Variants in PDHX observed in about 807,000 individuals in gnomAD.
PDHX encodes the protein pyruvate dehydrogenase protein X component, mitochondrial.
PDHX carries 33 observed loss-of-function variants against 55.3 expected under a neutral mutation model. The observed-to-expected ratio is 0.60, with a 90% confidence interval of 0.45 to 0.80. The LOEUF is 0.80. PDHX is among the 30% of genes least tolerant of loss of function. The pLI, the probability that PDHX is intolerant of heterozygous loss-of-function variation, is 0.00. For synonymous variants in PDHX, 226 were observed against 219.4 expected, an observed-to-expected ratio of 1.03 and a Z score of -0.27; for missense variants, 622 against 619.9, an observed-to-expected ratio of 1.00 and a Z score of -0.04.
At chr11:34,951,143 G>A (rs1174400468) in intron 3 of PDHX, among the ~76,000 whole-genome samples, 2 of 136,566 alleles carry the variant, frequency 1.5e-5, no homozygotes, top group South Asian at 2.5e-4. Flanking sequence ...TGCAAGCTCC[G>A]CCTCCCGGGT....
chr11:34,984,891 A>G, intron 9 of PDHX, 163 bp downstream of exon 9: 2 of 674,632 alleles, frequency 3.0e-6, no homozygotes, highest in Non-Finnish European at 5.1e-6. Flanking sequence ...AGGTTTTTAA[A>G]GTTTTTATCC....
intron 1 of PDHX, among the ~76,000 whole-genome samples, chr11:34,922,896 G>A (rs2956104): frequency 4.6e-5 from 3 of 65,416 alleles, no homozygotes; most frequent in African/African-American, 7.2e-5. Context: ...GTGTGTGTGT[G>A]TGTATGTATT....
Position 34,978,150 on chromosome 11 carries a change from T to C in PDHX, c.991T>C (p.Phe331Leu). Residue 331 changes from phenylalanine to leucine, a missense_variant, in exon 8 of 11, where the codon TTT (phenylalanine) becomes CTT (leucine). By Grantham distance (22) the Phe-to-Leu change is conservative. Transcript: ENST00000227868. ...KDDIKVSVNDFIIKAAAVTLK... is the reference protein window; with the variant it reads ...KDDIKVSVNDLIIKAAAVTLK... The stretch of plus-strand genomic sequence containing the variant: ...TGACATTAAAGTATCAGTAAATGAT[T>C]TTATCATCAAGGCAGCAGCTGTTAC... The C allele has an allele frequency of 6.4e-7, 1 of 1,572,604 alleles. No individual in the cohort carries two copies. Among genetic ancestry groups the C allele is most frequent in the Non-Finnish European group, 8.8e-7 (1 of 1,142,618 alleles).
At chr11:34,919,210 C>T (rs1170154212) in intron 1 of PDHX, among the ~76,000 whole-genome samples, 11 of 152,190 alleles carry the variant, frequency 7.2e-5, no homozygotes, top group Non-Finnish European at 1.6e-4. Flanking sequence ...CTGACTTTCA[C>T]CTACATACAG....
intron 7 of PDHX, among the ~76,000 whole-genome samples, chr11:34,975,854 A>G (rs1284606655): frequency 6.6e-6 from 1 of 152,164 alleles, no homozygotes. Flanking sequence ...GCAACTTTCT[A>G]CATCCCAGGT....
chr11:34,918,794 C>T (rs1481840915), intron 1 of PDHX, among the ~76,000 whole-genome samples: 1 of 152,170 alleles, frequency 6.6e-6, no homozygotes, highest in African/African-American at 2.4e-5. Context: ...TCTGGAGGCT[C>T]GAGACCCCAT....
intron 5 of PDHX, among the ~76,000 whole-genome samples, chr11:34,965,582 T>G (rs1445430496): frequency 6.6e-6 from 1 of 152,050 alleles, no homozygotes; most frequent in East Asian, 1.9e-4. Flanking sequence ...GGGAGTGACA[T>G]CCATCATATT....
chr11:34,921,056 TA>T lies in PDHX; in HGVS notation c.160+4243del, dbSNP rs1447734634. On this transcript the variant is annotated intron_variant, in intron 1 of 10. Transcript: ENST00000227868. ...ATACTCTTTTAGGCCTGGTTCTTAT[TA>T]AGTGCTTATACACTGATAAGATTGA... is the stretch of plus-strand genomic sequence containing the variant. 3.3e-5 allele frequency among the ~76,000 whole-genome samples: 5 copies of T among 152,224 alleles called. No individual in the cohort carries two copies. In the East Asian group the frequency reaches 9.6e-4, roughly 29 times the overall value.
chr11:34,941,616 A>G (rs1287493308), intron 2 of PDHX, among the ~76,000 whole-genome samples: 1 of 152,178 alleles, frequency 6.6e-6, no homozygotes, highest in Non-Finnish European at 1.5e-5. Context: ...CACCACACAC[A>G]TCTTTTACGT....
At chr11:34,939,471 GTGT>G (rs1854419563) in intron 2 of PDHX, among the ~76,000 whole-genome samples, 1 of 628 alleles carries the variant, frequency 1.6e-3, no homozygotes, top group East Asian at 0.02. Context: ...TACTAATGGT[GTGT>G]GTGTGTGTGT....
At chr11:34,951,217 C>T (rs528431492) in intron 3 of PDHX, among the ~76,000 whole-genome samples, 2,475 of 151,942 alleles carry the variant, frequency 0.016, 64 homozygotes, top group African/African-American at 0.057. Flanking sequence ...CCATCACGCC[C>T]GGCTAATTTT....
At chr11:34,991,998 A>C (rs887440509) in intron 9 of PDHX, among the ~76,000 whole-genome samples, 2 of 151,962 alleles carry the variant, frequency 1.3e-5, no homozygotes, top group African/African-American at 4.8e-5. Context: ...TTATAGGCAA[A>C]ATAGAAAATT....
At chr11:34,961,899 T>C (rs986444072) in intron 5 of PDHX, among the ~76,000 whole-genome samples, 7 of 152,198 alleles carry the variant, frequency 4.6e-5, no homozygotes, top group African/African-American at 1.7e-4. Flanking sequence ...AAAATTAAAA[T>C]TAAGAACCTT....
rs113309941 is a variant in PDHX at position 34,966,740 on chromosome 11, C to G, written c.742C>G (p.Gln248Glu). The G allele has an allele frequency of 1.1e-5, 17 of 1,614,192 alleles. No individual in the cohort carries two copies. In the African/African-American group the frequency reaches 1.9e-4, roughly 18 times the overall value. The change falls in exon 6 of 11, where the codon CAG becomes GAG. Residue 248 changes from glutamine (Q) to glutamate (E), a missense_variant. Gln to Glu is a conservative substitution (Grantham distance 29). Coordinates refer to ENST00000227868, the MANE Select transcript of PDHX (RefSeq NM_003477.3). ...TATPTAPSPL[Q>E]ATAGPSYPRP... ...CACTCCCACAGCACCTTCGCCCCTA[C>G]AGGCCACAGCTGGACCATCTTATCC...
At chr11:34,957,286 A>T in intron 3 of PDHX, 98 bp from the exon 4 acceptor site, 2 of 860,240 alleles carry the variant, frequency 2.3e-6, no homozygotes, top group Non-Finnish European at 3.9e-6. Flanking sequence ...AGCTCAAATT[A>T]AGATATCTTA....
At chr11:34,925,533 G>C (rs879268909) in intron 1 of PDHX, among the ~76,000 whole-genome samples, 1 of 152,060 alleles carries the variant, frequency 6.6e-6, no homozygotes, top group Non-Finnish European at 1.5e-5. Flanking sequence ...TTTAAACTTA[G>C]TGTTAGTTAA....
chr11:34,941,477 A>G (rs1355631582), intron 2 of PDHX, among the ~76,000 whole-genome samples: 1 of 152,154 alleles, frequency 6.6e-6, no homozygotes, highest in African/African-American at 2.4e-5. Context: ...CAATTGAATT[A>G]TTTTTGTTTC....
chr11:34,933,924 G>GA (rs528405516), intron 2 of PDHX, among the ~76,000 whole-genome samples: 3 of 151,748 alleles, frequency 2.0e-5, no homozygotes, highest in South Asian at 2.1e-4. Context: ...TAATACTAAA[G>GA]AAAAAAAATT....
chr11:34,955,936 A>G (rs1226869087), intron 3 of PDHX, among the ~76,000 whole-genome samples: 2 of 152,134 alleles, frequency 1.3e-5, no homozygotes. Context: ...TTTTTTGTAT[A>G]CATTTTTAAA....
Sources: gnomAD v4.1 joint callset for allele counts (sites outside exome capture counted in the v4.1 genomes callset) on GRCh38, gnomAD v4.1.1 for gene constraint, MANE v1.5 for transcripts, NCBI Gene and HGNC (gene_info 2026-07-23, HGNC 2026-07-21) for gene names.